UPP2: variants seen among roughly 807,000 people sequenced by gnomAD.
UPP2 encodes the protein UPase 2.
In UPP2, 23 loss-of-function variants were observed where a neutral mutation model predicts 26.7. The observed-to-expected ratio is 0.86, with a 90% CI of 0.62 to 1.22. The LOEUF (loss-of-function observed/expected upper bound fraction) is 1.22, where lower values mean the gene tolerates loss of function less well. UPP2 is among the 50% of genes most tolerant of loss of function. The pLI is 0.00. For synonymous variants in UPP2, 127 were observed against 141.3 expected, an observed-to-expected ratio of 0.90 and a Z score of 0.72; for missense variants, 387 against 396.7, an observed-to-expected ratio of 0.98 and a Z score of 0.21.
At chr2:158,106,831 A>C (rs370059107) in intron 2 of UPP2, among the ~76,000 whole-genome samples, 2 of 152,322 alleles carry the variant, frequency 1.3e-5, no homozygotes, top group South Asian at 2.1e-4. Flanking sequence ...TTGTTAAAAA[A>C]CACCCAATAG....
chr2:158,105,351 T>A (rs1027345065), intron 1 of UPP2, among the ~76,000 whole-genome samples: 1 of 152,116 alleles, frequency 6.6e-6, no homozygotes, highest in Admixed American at 6.5e-5. Context: ...GATGGGGGTT[T>A]GAGCCAGGGC....
intron 4 of UPP2, among the ~76,000 whole-genome samples, chr2:158,118,252 G>GT (rs373739100): frequency 2.0e-5 from 3 of 151,452 alleles, no homozygotes; most frequent in South Asian, 2.1e-4. Flanking sequence ...AGTCTTAGGA[G>GT]TTTTTTTAAA....
chr2:158,055,591 C>T (rs1682234699), intron 3 of UPP2, among the ~76,000 whole-genome samples: 1 of 152,124 alleles, frequency 6.6e-6, no homozygotes, highest in African/African-American at 2.4e-5. Flanking sequence ...ATTCCCATAA[C>T]ATGATGAACT....
At chr2:158,042,649 A>G (rs1684096728) in intron 3 of UPP2, among the ~76,000 whole-genome samples, 1 of 152,204 alleles carries the variant, frequency 6.6e-6, no homozygotes, top group African/African-American at 2.4e-5. Context: ...TGGTATAACA[A>G]GAAACTTGCA....
intron 3 of UPP2, among the ~76,000 whole-genome samples, chr2:158,035,524 CT>C (rs1659844784): frequency 6.6e-6 from 1 of 152,160 alleles, no homozygotes; most frequent in Admixed American, 6.5e-5. Flanking sequence ...TCCTATTGTG[CT>C]GGATACAATC....
intron 3 of UPP2, among the ~76,000 whole-genome samples, chr2:158,081,634 C>T (rs568304513): frequency 6.6e-6 from 1 of 152,080 alleles, no homozygotes; most frequent in Admixed American, 6.6e-5. Context: ...AATATTCAGC[C>T]ATAAAAAGAA....
Position 158,117,994 on chromosome 2 carries a change from C to T in UPP2, c.454+56C>T. The T allele has an allele frequency of 7.0e-6, 10 of 1,429,048 alleles. 1 individual carries two copies. The highest frequency in any genetic ancestry group is 9.8e-6 in the Non-Finnish European group (10 of 1,015,416). 88.5% of individuals were successfully genotyped at this position (1,429,048 alleles called of 1,614,324 possible). On this transcript the variant is annotated intron_variant, in intron 4 of 6. Coordinates refer to ENST00000005756, the MANE Select transcript of UPP2 (RefSeq NM_173355.4). ...TGAGTGATCCTTACATACATGGTAGCTGCCAAAATATAACATCCTATTCAG... is the reference window on the plus strand; with the variant it reads ...TGAGTGATCCTTACATACATGGTAGTTGCCAAAATATAACATCCTATTCAG...
chr2:158,038,846 C>T (rs1684041945), intron 3 of UPP2, among the ~76,000 whole-genome samples: 2 of 152,064 alleles, frequency 1.3e-5, no homozygotes, highest in African/African-American at 4.8e-5. Context: ...TAATTTTATC[C>T]CCAGAGACCA....
At chr2:158,012,130 A>G (rs1474035982) in intron 2 of UPP2, among the ~76,000 whole-genome samples, 3 of 152,080 alleles carry the variant, frequency 2.0e-5, no homozygotes, top group African/African-American at 4.8e-5. Flanking sequence ...CTCTGCCCGC[A>G]TAGACCAGTA....
chr2:158,082,470 CTGAG>C (rs1195058660), intron 3 of UPP2, among the ~76,000 whole-genome samples: 1 of 152,032 alleles, frequency 6.6e-6, no homozygotes, highest in Non-Finnish European at 1.5e-5. Flanking sequence ...TTTTCCATTC[CTGAG>C]TGCCTTCACT....
chr2:158,035,671 A>T (rs188367433), intron 3 of UPP2, among the ~76,000 whole-genome samples: 12 of 152,354 alleles, frequency 7.9e-5, no homozygotes, highest in Admixed American at 6.5e-4. Context: ...GGGTGTTATC[A>T]GTTTCTTACA....
intron 3 of UPP2, among the ~76,000 whole-genome samples, chr2:158,023,294 A>C (rs971407801): frequency 6.7e-6 from 1 of 150,060 alleles, no homozygotes; most frequent in Non-Finnish European, 1.5e-5. Context: ...GAGAATTGAC[A>C]TTGCAAAAGT....
intron 3 of UPP2, among the ~76,000 whole-genome samples, chr2:158,075,270 T>C (rs1451376547): frequency 6.6e-6 from 1 of 152,006 alleles, no homozygotes; most frequent in Non-Finnish European, 1.5e-5. Flanking sequence ...GTAGAACAAA[T>C]GGACCTAAGA....
At chr2:158,042,908 G>A (rs1314876536) in intron 3 of UPP2, among the ~76,000 whole-genome samples, 1 of 152,150 alleles carries the variant, frequency 6.6e-6, no homozygotes, top group East Asian at 1.9e-4. Context: ...AGAGGCCCCT[G>A]CCGAGCCTTT....
intron 3 of UPP2, among the ~76,000 whole-genome samples, chr2:158,053,003 A>G (rs953218858): frequency 6.6e-6 from 1 of 152,192 alleles, no homozygotes; most frequent in Non-Finnish European, 1.5e-5. Flanking sequence ...GGGCTCCTCA[A>G]TCACCTCACA....
chr2:158,006,361 C>T (rs1385095361), intron 2 of UPP2, among the ~76,000 whole-genome samples: 2 of 151,416 alleles, frequency 1.3e-5, no homozygotes, highest in Non-Finnish European at 2.9e-5. Flanking sequence ...CCCAGCTACT[C>T]TGGAGGCTGA....
intron 3 of UPP2, among the ~76,000 whole-genome samples, chr2:158,077,620 C>T (rs1445045063): frequency 1.3e-5 from 2 of 152,066 alleles, no homozygotes; most frequent in African/African-American, 4.8e-5. Context: ...TATGTCTCAC[C>T]ATATATAAAA....
Position 158,133,134 on chromosome 2 carries a change from A to G in UPP2, c.812-1614A>G, listed in dbSNP as rs543500686. 2.6e-5 allele frequency among the ~76,000 whole-genome samples: 4 copies of G among 152,342 alleles called. No individual in the cohort carries two copies. The East Asian group carries it at 7.7e-4, about 29-fold the overall frequency. ...GAATCAACCAAGTGTCCATCAACAG[A>G]TGAATAGACTTTTAAAATGTGGTAT... On this transcript the variant is annotated intron_variant, in intron 6 of 6. Transcript: ENST00000005756.
At chr2:158,060,683 C>A (rs1430708590) in intron 3 of UPP2, among the ~76,000 whole-genome samples, 2 of 152,052 alleles carry the variant, frequency 1.3e-5, no homozygotes, top group Non-Finnish European at 2.9e-5. Flanking sequence ...GAGATGAAAC[C>A]TTTGGGAGGT....
Sources: gnomAD v4.1 joint callset for allele counts (sites outside exome capture counted in the v4.1 genomes callset) on GRCh38, gnomAD v4.1.1 for gene constraint, MANE v1.5 for transcripts, NCBI Gene and HGNC (gene_info 2026-07-23, HGNC 2026-07-21) for gene names.